RYR3: variants seen among roughly 807,000 people sequenced by gnomAD.
RYR3 encodes the protein brain ryanodine receptor-calcium release channel.
Under a neutral mutation model 584.3 loss-of-function variants are expected in RYR3, and 207 were observed. The ratio of observed to expected loss-of-function variants is 0.35; its 90% CI spans 0.32 to 0.40. The LOEUF (loss-of-function observed/expected upper bound fraction) is 0.40. RYR3 is among the 10% of genes least tolerant of loss of function. RYR3 has a pLI of 1.00. For missense variants in RYR3, 5,616 were observed against 6,089.2 expected (o/e 0.92, Z 2.59); for synonymous variants, 2,416 against 2,248.5 (o/e 1.07, Z -2.11).
intron 16 of RYR3, among the ~76,000 whole-genome samples, chr15:33,592,545 G>A (rs893771473): frequency 1.3e-5 from 2 of 152,206 alleles, no homozygotes; most frequent in Non-Finnish European, 2.9e-5. Context: ...ACCCACTTCC[G>A]ATTGGCCAGA....
rs143106723 is a variant in RYR3 at position 33,339,868 on chromosome 15, G to C, written c.51+28772G>C. 9.4e-3 allele frequency among the ~76,000 whole-genome samples: 1,327 copies of C among 140,766 alleles called. 16 individuals are homozygous for C. The highest frequency in any genetic ancestry group is 0.011 in the South Asian group (49 of 4,352). 92.3% of individuals were successfully genotyped at this position (140,766 alleles called of 152,430 possible). A position where few individuals can be genotyped will look rare whatever the true frequency, so the allele number is the denominator to read the frequency against. On this transcript the variant is annotated intron_variant, in intron 1 of 103. Coordinates refer to ENST00000634891, the MANE Select transcript of RYR3 (RefSeq NM_001036.6). ...AGCACCACTGCACTCCAGCCTGGGC[G>C]ACAGAGCAAGACTCCGTCTCAAAAA...
chr15:33,443,504 A>G (rs2046389836), intron 1 of RYR3, among the ~76,000 whole-genome samples: 2 of 152,178 alleles, frequency 1.3e-5, no homozygotes, highest in African/African-American at 4.8e-5. Flanking sequence ...TGCATTTAAA[A>G]AGAGGTTAAC....
Position 33,634,640 on chromosome 15 carries a change from C to A in RYR3, c.3082C>A (p.Arg1028Ser). ...GGTGCCATATGCATTACTGGATGAG[C>A]GTACCAAGAAGTCAAACAGGGACAG... is the stretch of plus-strand genomic sequence containing the variant. ...RLVPYALLDE[R>S]TKKSNRDSLR... The change falls in exon 25 of 104, where the codon CGT becomes AGT. Residue 1028 changes from arginine (R) to serine (S), a missense_variant. This residue lies in a region of RYR3 where 1,284 missense variants were observed against 1,344.6 expected (regional missense o/e 0.95). Coordinates refer to ENST00000634891, the MANE Select transcript of RYR3 (RefSeq NM_001036.6). The A allele has an allele frequency of 1.2e-6, 2 of 1,613,692 alleles. No individual in the cohort carries two copies. Among genetic ancestry groups the A allele is most frequent in the Non-Finnish European group, 1.7e-6 (2 of 1,179,644 alleles).
chr15:33,603,198 C>T lies in RYR3; in HGVS notation c.1998C>T (p.Ile666=), dbSNP rs746856794. 42 of 1,613,778 alleles carry T rather than the reference C, an allele frequency of 2.6e-5. No homozygotes were observed. Among genetic ancestry groups the T allele is most frequent in the Middle Eastern group, 1.6e-4 (1 of 6,084 alleles). ...AGAAGTGGTACTTCGAGCTGATTAT[C>T]GACCAGGTGGACCCCTTCCTAACAG... ...QYKKWYFELI[I]DQVDPFLTAE... The change falls in exon 18 of 104, where the codon ATC becomes ATT. Residue 666 remains isoleucine, a synonymous_variant. Coordinates refer to ENST00000634891, the MANE Select transcript of RYR3 (RefSeq NM_001036.6).
intron 4 of RYR3, 76 bp from the exon 5 acceptor site, chr15:33,533,235 A>G (rs928997304): frequency 1.0e-4 from 98 of 981,590 alleles, no homozygotes; most frequent in Admixed American, 5.2e-4. Flanking sequence ...GAACTTAACT[A>G]GAAGCTAACT....
At chr15:33,671,805 CT>C (rs56206846) in intron 38 of RYR3, among the ~76,000 whole-genome samples, 26,889 of 78,368 alleles carry the variant, frequency 0.34, 2,890 homozygotes, top group Non-Finnish European at 0.39. Flanking sequence ...CCTTCTTTTT[CT>C]TTTTTTTTTT....
At chr15:33,678,706 T>A (rs746727111) in intron 38 of RYR3, among the ~76,000 whole-genome samples, 1 of 152,218 alleles carries the variant, frequency 6.6e-6, no homozygotes, top group Non-Finnish European at 1.5e-5. Flanking sequence ...TCCTGCTGTT[T>A]CCTGTGGAGC....
chr15:33,808,496 A>G (rs1401687947), intron 70 of RYR3, among the ~76,000 whole-genome samples: 1 of 152,226 alleles, frequency 6.6e-6, no homozygotes, highest in Admixed American at 6.5e-5. Flanking sequence ...ACTTTTGAGC[A>G]TATTTATTCG....
intron 20 of RYR3, among the ~76,000 whole-genome samples, chr15:33,625,450 A>G (rs1595879984): frequency 6.6e-6 from 1 of 152,338 alleles, no homozygotes; most frequent in African/African-American, 2.4e-5. Context: ...TGTGAGCTAG[A>G]GGTGATTCTA....
Position 33,841,977 on chromosome 15 carries a change from C to T in RYR3, c.13151C>T (p.Pro4384Leu), listed in dbSNP as rs200281542. Reference protein sequence around the residue: ...KRRCGQKVEKPEAFTANFFKG... With the variant: ...KRRCGQKVEKLEAFTANFFKG... ...CGGTGTGGTCAGAAGGTTGAGAAGC[C>T]GGAAGCTTTCACAGCCAATTTCTTT... The change falls in exon 91 of 104, where the codon CCG (proline) becomes CTG (leucine). Residue 4384 changes from proline to leucine, a missense_variant. By Grantham distance (98) the Pro-to-Leu change is moderately conservative. This residue lies in a region of RYR3 where 918 missense variants were observed against 887.4 expected (regional missense o/e 1.03). Coordinates refer to ENST00000634891, the MANE Select transcript of RYR3 (RefSeq NM_001036.6). The T allele has an allele frequency of 1.8e-4, 287 of 1,603,396 alleles. 1 individual carries two copies. The highest frequency in any genetic ancestry group is 2.9e-4 in the Admixed American group (17 of 58,740).
intron 5 of RYR3, among the ~76,000 whole-genome samples, chr15:33,535,098 A>C (rs761170077): frequency 2.6e-5 from 4 of 152,262 alleles, no homozygotes; most frequent in Non-Finnish European, 4.4e-5. Context: ...GAAAAGTCTA[A>C]TTTGAATACA....
Position 33,537,901 on chromosome 15 carries a change from G to A in RYR3, c.434-1449G>A, listed in dbSNP as rs1028089008. On this transcript the variant is annotated intron_variant, in intron 5 of 103. Transcript: ENST00000634891. ...TTCTTGCTCTCTGGAATTCCTCTAG[G>A]TTGGTTTTTTGATAATTCTGTTTTT... Among the ~76,000 whole-genome samples the A allele has an allele frequency of 3.3e-5, 5 of 151,886 alleles. No individual in the cohort carries two copies. The South Asian group carries it at 1.0e-3, about 32-fold the overall frequency.
At chr15:33,693,119 T>C (rs1452658007) in intron 38 of RYR3, among the ~76,000 whole-genome samples, 2 of 152,232 alleles carry the variant, frequency 1.3e-5, no homozygotes, top group Non-Finnish European at 2.9e-5. Flanking sequence ...TAGAGGAAAT[T>C]GTACTGACGG....
intron 10 of RYR3, among the ~76,000 whole-genome samples, chr15:33,557,331 A>G (rs1336104838): frequency 6.6e-6 from 1 of 152,234 alleles, no homozygotes; most frequent in African/African-American, 2.4e-5. Flanking sequence ...ACTTAGCGCA[A>G]TACCTAGTTT....
chr15:33,453,750 TA>T (rs1325077495), intron 1 of RYR3, among the ~76,000 whole-genome samples: 1 of 152,192 alleles, frequency 6.6e-6, no homozygotes, highest in Non-Finnish European at 1.5e-5. Flanking sequence ...ATGTTTTTTC[TA>T]AAAGAAGTAT....
chr15:33,318,503 T>G (rs1201845797), intron 1 of RYR3, among the ~76,000 whole-genome samples: 1 of 152,060 alleles, frequency 6.6e-6, no homozygotes, highest in East Asian at 1.9e-4. Flanking sequence ...AGGAATTGGG[T>G]TGGAGAAAGG....
rs1596659595 is a variant in RYR3 at position 33,800,117 on chromosome 15, C to A, written c.9831-653C>A. On this transcript the variant is annotated intron_variant, in intron 67 of 103. Transcript: ENST00000634891. ...GCTACTGCAAAATTTCTTAACCAGT[C>A]TATTTTTTTGTTTTATGAGTAATGC... Among the ~76,000 whole-genome samples the A allele has an allele frequency of 2.6e-5, 4 of 152,242 alleles. No individual in the cohort carries two copies. In the East Asian group the frequency reaches 7.7e-4, roughly 29 times the overall value.
intron 80 of RYR3, 81 bp from the exon 81 acceptor site, chr15:33,822,915 A>G (rs1596814621): frequency 7.2e-5 from 80 of 1,117,502 alleles, no homozygotes; most frequent in Admixed American, 2.2e-5. Flanking sequence ...GTGGCTGGGG[A>G]TTTCTCCATC....
chr15:33,764,022 G>T (rs974479708), intron 60 of RYR3, among the ~76,000 whole-genome samples: 1 of 151,928 alleles, frequency 6.6e-6, no homozygotes, highest in Middle Eastern at 3.4e-3. Flanking sequence ...ACAGTGTGGC[G>T]ATTCTTCAAG....
Sources: allele counts gnomAD v4.1 joint callset (sites outside exome capture counted in the v4.1 genomes callset), GRCh38; gene constraint gnomAD v4.1.1; regional missense constraint gnomAD v4.1.1; transcripts MANE v1.5; gene names NCBI Gene and HGNC (gene_info 2026-07-23, HGNC 2026-07-21).